Variants in AMER1 observed in about 807,000 individuals in gnomAD.
AMER1 encodes the protein RP11-403E24.2.
A neutral mutation model predicts 53.0 loss-of-function variants in AMER1; 16 were observed. The ratio of observed to expected loss-of-function variants is 0.30; its 90% CI spans 0.20 to 0.46. The LOEUF (loss-of-function observed/expected upper bound fraction) is 0.46, where lower values mean the gene tolerates loss of function less well. Ranked by LOEUF, AMER1 falls within the 20% of genes least tolerant of loss-of-function variation. The pLI is 1.00. For synonymous variants in AMER1, 354 were observed against 331.9 expected, an observed-to-expected ratio of 1.07 and a Z score of -0.73; for missense variants, 947 against 884.9, an observed-to-expected ratio of 1.07 and a Z score of -0.89.
In AMER1 at chrX:64,200,147, G is replaced by C. The variant is rs917536990; in HGVS notation, c.-99+5423C>G. ...CTCCCAAACTTTCTTAGAGAGAAGTGTATCTGAAGTGGGTACCATGCCCGC... is the reference window on the plus strand; with the variant it reads ...CTCCCAAACTTTCTTAGAGAGAAGTCTATCTGAAGTGGGTACCATGCCCGC... On this transcript the variant is annotated intron_variant, in intron 1 of 1. Transcript: ENST00000374869. Among the ~76,000 whole-genome samples the C allele has an allele frequency of 1.8e-4, 20 of 112,700 alleles. 1 individual carries two copies. The highest frequency in any genetic ancestry group is 4.7e-4 in the Admixed American group (5 of 10,724).
In AMER1 at chrX:64,189,264, C is replaced by A; in HGVS notation, c.*615G>T. The A allele has an allele frequency of 1.3e-6, 1 of 794,433 alleles. No homozygotes were observed. Among genetic ancestry groups the A allele is most frequent in the Non-Finnish European group, 1.5e-6 (1 of 664,428 alleles). The allele number at this position is 794,433 out of a possible 1,213,427, so 65.5% of individuals were successfully genotyped here. On this transcript the variant is annotated 3_prime_UTR_variant, in exon 2 of 2. Transcript: ENST00000374869. ...TATAATGATGGCAGCTATGCCAGGC[C>A]AAAAGGAATAGGGGTGGGGAGGATC...
chrX:64,187,610 C>T lies in AMER1; in HGVS notation c.*2269G>A, dbSNP rs376526235. 1.5e-4 allele frequency: 118 copies of T among 774,776 alleles called. No individual in the cohort carries two copies. Among genetic ancestry groups the T allele is most frequent in the East Asian group, 5.5e-4 (6 of 11,003 alleles). The allele number at this position is 774,776 out of a possible 1,213,427, so 63.9% of individuals were successfully genotyped here. A position where few individuals can be genotyped will look rare whatever the true frequency, so the allele number is the denominator to read the frequency against. ...GTCTGGAGGCTGGTGATGGCTCTAC[C>T]GCCTGCTGTGGCTGGCACAGTCCAC... On this transcript the variant is annotated 3_prime_UTR_variant, in exon 2 of 2. Coordinates refer to ENST00000374869, the MANE Select transcript of AMER1 (RefSeq NM_152424.4).
intron 1 of AMER1, among the ~76,000 whole-genome samples, chrX:64,200,362 C>G (rs1450570834): frequency 8.9e-6 from 1 of 112,093 alleles, no homozygotes; most frequent in Non-Finnish European, 1.9e-5. Flanking sequence ...ATACCTCTGA[C>G]TTTCCTATGT....
In AMER1 at chrX:64,188,938, C is replaced by T. The variant is rs184461050; in HGVS notation, c.*941G>A. 144 of 806,308 alleles carry T rather than the reference C, an allele frequency of 1.8e-4. No individual in the cohort carries two copies. In the African/African-American group the frequency reaches 3.1e-3, roughly 17 times the overall value. 66.4% of individuals were successfully genotyped at this position (806,308 alleles called of 1,213,427 possible). On this transcript the variant is annotated 3_prime_UTR_variant, in exon 2 of 2. Coordinates refer to ENST00000374869, the MANE Select transcript of AMER1 (RefSeq NM_152424.4). ...AAAAAGAACAAAAATTCAAAAGCAT[C>T]TGCAACTCAGGTAGTCACAAGCTTA...
At position 64,189,800 on chromosome X, in the gene AMER1, C is replaced by CCCCCCCCCCCCTCT; in HGVS notation, c.*78_*79insAGAGGGGGGGGGGG. ...TTTTCAAGTTAAACAACAACCCCCACCCCCCCACCCTTCTGCCCAACCCCT... is the reference window on the plus strand; with the variant it reads ...TTTTCAAGTTAAACAACAACCCCCACCCCCCCCCCCCTCTCCCCCCACCCTTCTGCCCAACCCCT... On this transcript the variant is annotated 3_prime_UTR_variant, in exon 2 of 2. Coordinates refer to ENST00000374869, the MANE Select transcript of AMER1 (RefSeq NM_152424.4). 1 of 230,985 alleles carries CCCCCCCCCCCCTCT rather than the reference C, an allele frequency of 4.3e-6. No individual in the cohort carries two copies. Among genetic ancestry groups the CCCCCCCCCCCCTCT allele is most frequent in the Non-Finnish European group, 6.4e-6 (1 of 156,056 alleles). 19.0% of individuals were successfully genotyped at this position (230,985 alleles called of 1,213,427 possible). A position where few individuals can be genotyped will look rare whatever the true frequency, so the allele number is the denominator to read the frequency against.
chrX:64,189,292 TA>T lies in AMER1; in HGVS notation c.*586del. On this transcript the variant is annotated 3_prime_UTR_variant, in exon 2 of 2. Coordinates refer to ENST00000374869, the MANE Select transcript of AMER1 (RefSeq NM_152424.4). ...AAGGAATAGGGGTGGGGAGGATCTG[TA>T]CCATAATTTCACATTGCTAATAGCA... 1 of 790,972 alleles carries T rather than the reference TA, an allele frequency of 1.3e-6. No individual in the cohort carries two copies. Among genetic ancestry groups the T allele is most frequent in the South Asian group, 6.7e-5 (1 of 15,026 alleles). 65.2% of individuals were successfully genotyped at this position (790,972 alleles called of 1,213,427 possible). A position where few individuals can be genotyped will look rare whatever the true frequency, so the allele number is the denominator to read the frequency against.
chrX:64,196,068 A>G (rs749096518), intron 1 of AMER1, among the ~76,000 whole-genome samples: 1 of 112,375 alleles, frequency 8.9e-6, no homozygotes, highest in Non-Finnish European at 1.9e-5. Context: ...CGCCCCAGTT[A>G]GAAGACAGTC....
chrX:64,188,461 G>T lies in AMER1; in HGVS notation c.*1418C>A. On this transcript the variant is annotated 3_prime_UTR_variant, in exon 2 of 2. Coordinates refer to ENST00000374869, the MANE Select transcript of AMER1 (RefSeq NM_152424.4). ...CTGCATGGATGCAGGAGAAGGGAGG[G>T]TGCCATTCATTCCATAAAGGGCTGC... 2.5e-6 allele frequency: 2 copies of T among 804,561 alleles called. No individual in the cohort carries two copies. Among genetic ancestry groups the T allele is most frequent in the Non-Finnish European group, 3.0e-6 (2 of 670,281 alleles). The allele number at this position is 804,561 out of a possible 1,213,427, so 66.3% of individuals were successfully genotyped here.
rs2147085836 is a variant in AMER1 at position 64,190,741 on chromosome X, T to C, written c.2546A>G (p.His849Arg). 8.3e-7 allele frequency: 1 copy of C among 1,206,665 alleles called. No individual in the cohort carries two copies. Among genetic ancestry groups the C allele is most frequent in the Non-Finnish European group, 1.1e-6 (1 of 892,838 alleles). ...TCGACTATGGTAGTTGTTGAAGGCA[T>C]GTTTGTGATAGTAGCCCAGCTCAAA... ...EAFELGYYHK[H>R]AFNNYHSRFY... Residue 849 changes from histidine to arginine, a missense_variant, in exon 2 of 2, where the codon CAT (histidine) becomes CGT (arginine). Transcript: ENST00000374869.
In AMER1 at chrX:64,189,794, C is replaced by CCGGGG; in HGVS notation, c.*84_*85insCCCCG. 1.7e-5 allele frequency: 5 copies of CCGGGG among 301,673 alleles called. No individual in the cohort carries two copies. Among genetic ancestry groups the CCGGGG allele is most frequent in the Non-Finnish European group, 2.1e-5 (5 of 232,752 alleles). 24.9% of individuals were successfully genotyped at this position (301,673 alleles called of 1,213,427 possible). A position where few individuals can be genotyped will look rare whatever the true frequency, so the allele number is the denominator to read the frequency against. Reference sequence around the variant, plus strand: ...AAAGGGTTTTCAAGTTAAACAACAACCCCCACCCCCCCACCCTTCTGCCCA... The same window carrying CCGGGG: ...AAAGGGTTTTCAAGTTAAACAACAACCGGGGCCCCACCCCCCCACCCTTCTGCCCA... On this transcript the variant is annotated 3_prime_UTR_variant, in exon 2 of 2. Transcript: ENST00000374869.
Position 64,186,442 on chromosome X carries a change from T to C in AMER1, c.*3437A>G, listed in dbSNP as rs1284606213. 9 of 715,749 alleles carry C rather than the reference T, an allele frequency of 1.3e-5. No homozygotes were observed. Among genetic ancestry groups the C allele is most frequent in the Non-Finnish European group, 1.5e-5 (9 of 591,890 alleles). 59.0% of individuals were successfully genotyped at this position (715,749 alleles called of 1,213,427 possible). On this transcript the variant is annotated 3_prime_UTR_variant, in exon 2 of 2. Coordinates refer to ENST00000374869, the MANE Select transcript of AMER1 (RefSeq NM_152424.4). ...AATTGACTTTTGATATATATATATA[T>C]ATATATTAAAAACAACTTGAATGCA... is the stretch of plus-strand genomic sequence containing the variant.
intron 1 of AMER1, among the ~76,000 whole-genome samples, chrX:64,193,672 G>A (rs1327273225): frequency 8.9e-6 from 1 of 111,941 alleles, no homozygotes; most frequent in African/African-American, 3.2e-5. Flanking sequence ...CACTGGGCAG[G>A]GGGACCTGCA....
chrX:64,189,796 C>CGG lies in AMER1; in HGVS notation c.*82_*83insCC. Reference sequence around the variant, plus strand: ...AGGGTTTTCAAGTTAAACAACAACCCCCACCCCCCCACCCTTCTGCCCAAC... The same window carrying CGG: ...AGGGTTTTCAAGTTAAACAACAACCCGGCCACCCCCCCACCCTTCTGCCCAAC... On this transcript the variant is annotated 3_prime_UTR_variant, in exon 2 of 2. Coordinates refer to ENST00000374869, the MANE Select transcript of AMER1 (RefSeq NM_152424.4). 8.1e-6 allele frequency: 1 copy of CGG among 123,739 alleles called. No homozygotes were observed. The highest frequency in any genetic ancestry group is 1.4e-5 in the Non-Finnish European group (1 of 72,708). 10.2% of individuals were successfully genotyped at this position (123,739 alleles called of 1,213,427 possible).
intron 1 of AMER1, among the ~76,000 whole-genome samples, chrX:64,201,466 C>T (rs1374055482): frequency 1.8e-5 from 2 of 108,947 alleles, no homozygotes; most frequent in African/African-American, 6.7e-5. Flanking sequence ...CACACACACA[C>T]ACACACACAC....
At chrX:64,201,448 A>AACGC (rs1210654508) in intron 1 of AMER1, among the ~76,000 whole-genome samples, 37 of 83,133 alleles carry the variant, frequency 4.5e-4, no homozygotes, top group African/African-American at 1.6e-3. Context: ...TCCTTCCCCC[A>AACGC]ACACACACAC....
chrX:64,188,528 G>C lies in AMER1; in HGVS notation c.*1351C>G. On this transcript the variant is annotated 3_prime_UTR_variant, in exon 2 of 2. Coordinates refer to ENST00000374869, the MANE Select transcript of AMER1 (RefSeq NM_152424.4). ...TGTCATTTGATGATGCTAAGGACTCGGCTAATTGGAAGATAAAAGCTCTTT... is the reference window on the plus strand; with the variant it reads ...TGTCATTTGATGATGCTAAGGACTCCGCTAATTGGAAGATAAAAGCTCTTT... 3 of 804,313 alleles carry C rather than the reference G, an allele frequency of 3.7e-6. No homozygotes were observed. Among genetic ancestry groups the C allele is most frequent in the Non-Finnish European group, 4.5e-6 (3 of 670,022 alleles). 66.3% of individuals were successfully genotyped at this position (804,313 alleles called of 1,213,427 possible). A position where few individuals can be genotyped will look rare whatever the true frequency, so the allele number is the denominator to read the frequency against.
At position 64,186,066 on chromosome X, in the gene AMER1, G is replaced by T; in HGVS notation, c.*3813C>A. On this transcript the variant is annotated 3_prime_UTR_variant, in exon 2 of 2. Transcript: ENST00000374869. Reference sequence around the variant, plus strand: ...CAGAGGGTCTAGACATGGGGAAGAAGGGTTCAAAAGAAAGAAAAACATAAA... The same window carrying T: ...CAGAGGGTCTAGACATGGGGAAGAATGGTTCAAAAGAAAGAAAAACATAAA... The T allele has an allele frequency of 9.0e-7, 1 of 1,106,362 alleles. No individual in the cohort carries two copies. 91.2% of individuals were successfully genotyped at this position (1,106,362 alleles called of 1,213,427 possible). A position where few individuals can be genotyped will look rare whatever the true frequency, so the allele number is the denominator to read the frequency against.
rs1204308135 is a variant in AMER1 at position 64,186,867 on chromosome X, C to T, written c.*3012G>A. On this transcript the variant is annotated 3_prime_UTR_variant, in exon 2 of 2. Coordinates refer to ENST00000374869, the MANE Select transcript of AMER1 (RefSeq NM_152424.4). ...TCTCTATCCACATTCACTGGTCCTC[C>T]AAGGACCAGTCTCATCTGGGAATTC... is the stretch of plus-strand genomic sequence containing the variant. 1.3e-6 allele frequency: 1 copy of T among 771,225 alleles called. No homozygotes were observed. The highest frequency in any genetic ancestry group is 1.5e-6 in the Non-Finnish European group (1 of 649,582). The allele number at this position is 771,225 out of a possible 1,213,427, so 63.6% of individuals were successfully genotyped here.
In AMER1 at chrX:64,189,792, A is replaced by AGGGGGG; in HGVS notation, c.*86_*87insCCCCCC. 2.7e-6 allele frequency: 2 copies of AGGGGGG among 746,957 alleles called. No individual in the cohort carries two copies. Among genetic ancestry groups the AGGGGGG allele is most frequent in the Non-Finnish European group, 3.4e-6 (2 of 590,414 alleles). The allele number at this position is 746,957 out of a possible 1,213,427, so 61.6% of individuals were successfully genotyped here. On this transcript the variant is annotated 3_prime_UTR_variant, in exon 2 of 2. Transcript: ENST00000374869. The stretch of plus-strand genomic sequence containing the variant: ...CCAAAGGGTTTTCAAGTTAAACAAC[A>AGGGGGG]ACCCCCACCCCCCCACCCTTCTGCC...
Sources: allele counts gnomAD v4.1 joint callset (sites outside exome capture counted in the v4.1 genomes callset), GRCh38; gene constraint gnomAD v4.1.1; transcripts MANE v1.5; gene names NCBI Gene and HGNC (gene_info 2026-07-23, HGNC 2026-07-21).